Variants in WDR33 observed in about 807,000 individuals in gnomAD.
WDR33 encodes the protein WD repeat domain 33.
A neutral mutation model predicts 164.9 loss-of-function variants in WDR33; 47 were observed. That is an observed-to-expected ratio of 0.29 (90% CI 0.23 to 0.36). The LOEUF is 0.36. WDR33 is among the 10% of genes least tolerant of loss of function. The pLI is 1.00. For synonymous variants in WDR33, 505 were observed against 589.0 expected (o/e 0.86, Z 2.06); for missense variants, 1,137 against 1,754.1 (o/e 0.65, Z 6.28).
chr2:127,753,693 T>C (rs1006255717), intron 7 of WDR33, among the ~76,000 whole-genome samples: 4 of 151,896 alleles, frequency 2.6e-5, no homozygotes, highest in Non-Finnish European at 2.9e-5. Context: ...AAGAAACTGA[T>C]CAGAAAAAGT....
At position 127,724,794 on chromosome 2, in the gene WDR33, A is replaced by C; in HGVS notation, c.1085+93T>G. On this transcript the variant is annotated intron_variant, in intron 10 of 21. Coordinates refer to ENST00000322313, the MANE Select transcript of WDR33 (RefSeq NM_018383.5). The surrounding 1 kb of genome is among the most constrained non-coding windows in gnomAD (Gnocchi z 4.8). ...AGCAGTCTCTGATATAGGATATATG[A>C]ACACTTAGAAAAGCTACAAAACTAT... 1 of 1,384,244 alleles carries C rather than the reference A, an allele frequency of 7.2e-7. No homozygotes were observed. Among genetic ancestry groups the C allele is most frequent in the Non-Finnish European group, 1.0e-6 (1 of 973,874 alleles). The allele number at this position is 1,384,244 out of a possible 1,614,324, so 85.7% of individuals were successfully genotyped here. A position where few individuals can be genotyped will look rare whatever the true frequency, so the allele number is the denominator to read the frequency against.
rs747025102 is a variant in WDR33, at chr2:127,719,895, T to C, written c.2130A>G (p.Pro710=). ...GGCCTATGTGACCCTGTGGGCCAGG[T>C]GGACCCTGAGGACCCATATGACCTT... ...GPQGHMGPQG[P]PGPQGHIGPQ... The change falls in exon 16 of 22, where the codon CCA becomes CCG. Residue 710 remains proline (P), a synonymous_variant. Transcript: ENST00000322313. This position sits in a 1 kb window ranked among gnomAD's most constrained non-coding sequence, Gnocchi z 6.5. 1.2e-6 allele frequency: 2 copies of C among 1,613,838 alleles called. No homozygotes were observed. The highest frequency in any genetic ancestry group is 2.2e-5 in the South Asian group (2 of 91,080).
chr2:127,714,038 T>C lies in WDR33; in HGVS notation c.2870-17A>G. 6.7e-7 allele frequency: 1 copy of C among 1,503,342 alleles called. No homozygotes were observed. Among genetic ancestry groups the C allele is most frequent in the Middle Eastern group, 1.8e-4 (1 of 5,580 alleles). 93.1% of individuals were successfully genotyped at this position (1,503,342 alleles called of 1,614,324 possible). A position where few individuals can be genotyped will look rare whatever the true frequency, so the allele number is the denominator to read the frequency against. The stretch of plus-strand genomic sequence containing the variant: ...GGGAGTCACCTAAAGGAAACAAAGC[T>C]GACTTTTACCATGTCTTCCAGGAAA... On this transcript the variant is annotated splice_polypyrimidine_tract_variant and intron_variant, in intron 17 of 21. Transcript: ENST00000322313. The surrounding 1 kb of genome is among the most constrained non-coding windows in gnomAD (Gnocchi z 4.3).
chr2:127,771,714 GT>G (rs1688008917), intron 1 of WDR33, among the ~76,000 whole-genome samples: 1 of 147,134 alleles, frequency 6.8e-6, no homozygotes, highest in Non-Finnish European at 1.5e-5. Flanking sequence ...GAATTTTGAG[GT>G]TGCACTGAGC....
intron 1 of WDR33, among the ~76,000 whole-genome samples, chr2:127,805,980 G>T (rs529950298): frequency 6.6e-6 from 1 of 151,284 alleles, no homozygotes; most frequent in South Asian, 2.1e-4. Context: ...AGGTGTGGTG[G>T]CTCACACCTG....
chr2:127,779,301 C>G (rs994189082), intron 1 of WDR33, among the ~76,000 whole-genome samples: 1 of 151,948 alleles, frequency 6.6e-6, no homozygotes, highest in African/African-American at 2.4e-5. Context: ...AACCCCATCT[C>G]TACTACATAC....
At chr2:127,736,295 A>C in intron 7 of WDR33, 1 of 985,396 alleles carries the variant, frequency 1.0e-6, no homozygotes, top group Non-Finnish European at 1.2e-6. Context: ...GGAAGAGGAG[A>C]CTGGGGAAGG....
intron 7 of WDR33, among the ~76,000 whole-genome samples, chr2:127,739,388 T>C (rs529659017): frequency 3.9e-5 from 6 of 152,166 alleles, no homozygotes; most frequent in Non-Finnish European, 7.3e-5. Context: ...AGTAGCTTTG[T>C]CCAATAAAAG....
At chr2:127,747,308 G>A (rs188637661) in intron 7 of WDR33, among the ~76,000 whole-genome samples, 166 of 152,164 alleles carry the variant, frequency 1.1e-3, no homozygotes, top group East Asian at 3.9e-4. Context: ...TTAACATACA[G>A]TGTTTAAAAC....
chr2:127,789,528 C>T (rs1370766078), intron 1 of WDR33, among the ~76,000 whole-genome samples: 2 of 146,934 alleles, frequency 1.4e-5, no homozygotes, highest in South Asian at 2.2e-4. Flanking sequence ...AGCGAAACCC[C>T]GTCTCCACCA....
intron 17 of WDR33, among the ~76,000 whole-genome samples, chr2:127,715,533 G>A (rs1033937550): frequency 5.9e-5 from 9 of 151,974 alleles, no homozygotes; most frequent in East Asian, 1.9e-4. Context: ...TCATTTACTC[G>A]TCCTCTCCTC....
intron 1 of WDR33, among the ~76,000 whole-genome samples, chr2:127,777,620 CCAA>C (rs1420644262): frequency 6.6e-6 from 1 of 152,144 alleles, no homozygotes; most frequent in Admixed American, 6.6e-5. Flanking sequence ...CAAGTCTATA[CCAA>C]CGTTATAATT....
chr2:127,779,188 G>A (rs72968989), intron 1 of WDR33, among the ~76,000 whole-genome samples: 2,504 of 148,854 alleles, frequency 0.017, 19 homozygotes, highest in East Asian at 0.03. Context: ...AAAAAATAGG[G>A]CCAGGGTGGT....
Position 127,723,205 on chromosome 2 carries a change from T to C in WDR33, c.1291+48A>G, listed in dbSNP as rs1251487257. On this transcript the variant is annotated intron_variant, in intron 12 of 21. Coordinates refer to ENST00000322313, the MANE Select transcript of WDR33 (RefSeq NM_018383.5). This position sits in a 1 kb window ranked among gnomAD's most constrained non-coding sequence, Gnocchi z 5.9. ...ATCTTCCCAACATCTAACACTTCTG[T>C]AATAGAATACCAGATTTCAAAGAAG... 1 of 1,544,472 alleles carries C rather than the reference T, an allele frequency of 6.5e-7. No individual in the cohort carries two copies. Among genetic ancestry groups the C allele is most frequent in the Middle Eastern group, 1.7e-4 (1 of 5,898 alleles).
chr2:127,801,283 A>G (rs373195237), intron 1 of WDR33, among the ~76,000 whole-genome samples: 6 of 152,094 alleles, frequency 3.9e-5, no homozygotes, highest in Non-Finnish European at 5.9e-5. Context: ...ACCTTTTCTC[A>G]GAGGAAAAAC....
At chr2:127,798,172 A>G (rs1689106105) in intron 1 of WDR33, among the ~76,000 whole-genome samples, 1 of 151,674 alleles carries the variant, frequency 6.6e-6, no homozygotes. Flanking sequence ...GTTCAAGACC[A>G]GCCTGGCCAA....
intron 1 of WDR33, among the ~76,000 whole-genome samples, chr2:127,795,102 C>CTTT (rs552910693): frequency 0.013 from 1,668 of 131,098 alleles, 94 homozygotes; most frequent in African/African-American, 0.047. Flanking sequence ...AATAACTTCT[C>CTTT]TTTTTTTTTT....
chr2:127,777,746 G>C (rs1412438220), intron 1 of WDR33, among the ~76,000 whole-genome samples: 1 of 150,782 alleles, frequency 6.6e-6, no homozygotes, highest in Non-Finnish European at 1.5e-5. Flanking sequence ...AAGTATGTGG[G>C]ACTACACATG....
rs1688137244 is a variant in WDR33 at position 127,774,837 on chromosome 2, A to G, written c.-23-3833T>C. 3.3e-5 allele frequency among the ~76,000 whole-genome samples: 5 copies of G among 152,036 alleles called. No homozygotes were observed. In the South Asian group the frequency reaches 1.0e-3, roughly 32 times the overall value. On this transcript the variant is annotated intron_variant, in intron 1 of 21. Coordinates refer to ENST00000322313, the MANE Select transcript of WDR33 (RefSeq NM_018383.5). ...AGAGTGAGACTCCGTCTCAAAAAAA[A>G]AGAAAAAAAAAAATTATGCTAAGTG...
Sources: allele counts gnomAD v4.1 joint callset (sites outside exome capture counted in the v4.1 genomes callset), GRCh38; gene constraint gnomAD v4.1.1; non-coding constraint Gnocchi (gnomAD v3.1); transcripts MANE v1.5; gene names NCBI Gene and HGNC (gene_info 2026-07-23, HGNC 2026-07-21).